Variants in CDCA2 observed in about 807,000 individuals in gnomAD.
CDCA2 encodes the protein cell division cycle associated 2, also known as cell division cycle-associated protein 2.
CDCA2 carries 44 observed loss-of-function variants against 67.0 expected under a neutral mutation model. That is an observed-to-expected ratio of 0.66 (90% confidence interval 0.52 to 0.84). The LOEUF is 0.84. Ranked by LOEUF, CDCA2 falls within the 40% of genes least tolerant of loss-of-function variation. The pLI is 0.00. For missense variants in CDCA2, 1,253 were observed against 1,203.2 expected (o/e 1.04, Z -0.61); for synonymous variants, 447 against 418.7 (o/e 1.07, Z -0.82).
At chr8:25,491,361 A>G (rs142066492) in intron 13 of CDCA2, among the ~76,000 whole-genome samples, 31 of 152,290 alleles carry the variant, frequency 2.0e-4, no homozygotes, top group African/African-American at 6.3e-4. Context: ...CCCACTGAAT[A>G]ACTGGTACAA....
At position 25,506,676 on chromosome 8, in the gene CDCA2, C is replaced by T. The variant is rs1804692284; in HGVS notation, c.2010C>T (p.Gly670=). 6.2e-7 allele frequency: 1 copy of T among 1,612,594 alleles called. No homozygotes were observed. The highest frequency in any genetic ancestry group is 1.3e-5 in the African/African-American group (1 of 74,790). ...CSYIKSSSSL[G]NATSDEDPNT... ...ATATAAAAAGTTCCTCATCGCTTGG[C>T]AATGCTACTTCTGATGAAGATCCAA... Residue 670 remains glycine (G), a synonymous_variant, in exon 15 of 15, where the codon GGC becomes GGT. Transcript: ENST00000330560.
chr8:25,488,228 A>AGTAG (rs1204435041), intron 12 of CDCA2, among the ~76,000 whole-genome samples: 1 of 152,186 alleles, frequency 6.6e-6, no homozygotes, highest in African/African-American at 2.4e-5. Flanking sequence ...CCCATAACCC[A>AGTAG]GTAGTTAGGT....
chr8:25,478,889 T>TAC (rs1563268994), intron 7 of CDCA2, among the ~76,000 whole-genome samples: 27 of 107,896 alleles, frequency 2.5e-4, no homozygotes, highest in African/African-American at 1.2e-3. Context: ...TGTGTGTGTG[T>TAC]ATATATATAT....
At position 25,484,059 on chromosome 8, in the gene CDCA2, A is replaced by G; in HGVS notation, c.1214A>G (p.Asp405Gly). ...FGEDLSPEVF[D>G]ESLPANTPLR... The stretch of plus-strand genomic sequence containing the variant: ...GAGGACTTAAGCCCGGAAGTGTTTG[A>G]TGAATCTTTGCCAGCAAATACTCCA... Residue 405 changes from aspartate to glycine, a missense_variant, in exon 10 of 15, where the codon GAT becomes GGT. Coordinates refer to ENST00000330560, the MANE Select transcript of CDCA2 (RefSeq NM_152562.4). 1 of 1,614,208 alleles carries G rather than the reference A, an allele frequency of 6.2e-7. No homozygotes were observed. Among genetic ancestry groups the G allele is most frequent in the South Asian group, 1.1e-5 (1 of 91,090 alleles).
chr8:25,468,943 C>G (rs1442523292), intron 6 of CDCA2, among the ~76,000 whole-genome samples: 1 of 152,188 alleles, frequency 6.6e-6, no homozygotes, highest in African/African-American at 2.4e-5. Flanking sequence ...TCACTTCTTT[C>G]AAGTAGCTCT....
chr8:25,490,418 G>A (rs996381394), intron 13 of CDCA2, among the ~76,000 whole-genome samples: 3 of 151,698 alleles, frequency 2.0e-5, no homozygotes, highest in East Asian at 2.0e-4. Flanking sequence ...AGAAGCCGAC[G>A]ACAGCCTTCA....
intron 13 of CDCA2, among the ~76,000 whole-genome samples, chr8:25,491,172 A>G (rs985069322): frequency 1.2e-4 from 19 of 152,292 alleles, no homozygotes; most frequent in Non-Finnish European, 2.5e-4. Context: ...AGAGCAAAAG[A>G]AAGACTGGAA....
At chr8:25,483,838 C>T (rs1228737698) in intron 9 of CDCA2, 128 bp from the exon 10 acceptor site, 14 of 812,918 alleles carry the variant, frequency 1.7e-5, no homozygotes, top group Admixed American at 5.7e-5. Flanking sequence ...TATTTTATAG[C>T]TTTGCTTTAC....
Position 25,485,764 on chromosome 8 carries a change from CAT to C in CDCA2, c.1373_1374del (p.Ile458ArgfsTer14), listed in dbSNP as rs766482044. The C allele has an allele frequency of 1.3e-6, 2 of 1,599,630 alleles. No homozygotes were observed. The highest frequency in any genetic ancestry group is 1.7e-5 in the Admixed American group (1 of 58,470). On this transcript the variant is annotated frameshift_variant, in exon 11 of 15. Transcript: ENST00000330560. LOFTEE classifies it high-confidence loss of function. ...FDDKGENLEN[I>X]EPLQVSFAVL... The stretch of plus-strand genomic sequence containing the variant: ...CTGTCTTTTCCTTTGTTTAGGAAAA[CAT>C]AGAACCACTTCAAGTATCATTTGCC...
chr8:25,494,497 A>G (rs975145417), intron 13 of CDCA2, among the ~76,000 whole-genome samples: 4 of 152,234 alleles, frequency 2.6e-5, no homozygotes, highest in South Asian at 2.1e-4. Context: ...GGAAGTTTAC[A>G]TATGCTCTAT....
At chr8:25,462,914 T>TAAGC (rs1802757049) in intron 4 of CDCA2, among the ~76,000 whole-genome samples, 1 of 152,174 alleles carries the variant, frequency 6.6e-6, no homozygotes, top group Non-Finnish European at 1.5e-5. Flanking sequence ...CTCCTGACCC[T>TAAGC]AAGCAATCCC....
Position 25,460,653 on chromosome 8 carries a change from G to A in CDCA2, c.232+99G>A, listed in dbSNP as rs535619741. On this transcript the variant is annotated intron_variant, in intron 3 of 14. Coordinates refer to ENST00000330560, the MANE Select transcript of CDCA2 (RefSeq NM_152562.4). Reference sequence around the variant, plus strand: ...GTTTATACGTACTGTCATATTTTAGGTACCTAAATTGCCTACTCTGCAAAC... The same window carrying A: ...GTTTATACGTACTGTCATATTTTAGATACCTAAATTGCCTACTCTGCAAAC... 1.1e-5 allele frequency: 14 copies of A among 1,286,486 alleles called. 1 individual carries two copies. The South Asian group carries it at 1.9e-4, about 18-fold the overall frequency. The allele number at this position is 1,286,486 out of a possible 1,614,324, so 79.7% of individuals were successfully genotyped here.
At chr8:25,472,748 T>C (rs750033343) in intron 7 of CDCA2, among the ~76,000 whole-genome samples, 1 of 152,238 alleles carries the variant, frequency 6.6e-6, no homozygotes, top group Non-Finnish European at 1.5e-5. Flanking sequence ...CATAACTGTA[T>C]ATATTTATGG....
chr8:25,471,282 T>A (rs1049314288), intron 7 of CDCA2, among the ~76,000 whole-genome samples: 1 of 152,240 alleles, frequency 6.6e-6, no homozygotes, highest in African/African-American at 2.4e-5. Flanking sequence ...TCCGCCTGCA[T>A]GGTCCCCCTG....
chr8:25,463,668 C>G (rs185485333), intron 4 of CDCA2, among the ~76,000 whole-genome samples: 134 of 152,230 alleles, frequency 8.8e-4, no homozygotes, highest in Non-Finnish European at 1.5e-3. Flanking sequence ...TACGTTCTCC[C>G]TAATCCATTG....
intron 14 of CDCA2, among the ~76,000 whole-genome samples, chr8:25,505,410 A>G (rs1322078474): frequency 1.3e-5 from 2 of 152,278 alleles, no homozygotes; most frequent in East Asian, 3.9e-4. Flanking sequence ...CATGTTGGCC[A>G]GGCTGGTCTC....
chr8:25,482,105 G>A (rs1803594281), intron 8 of CDCA2, among the ~76,000 whole-genome samples: 2 of 152,112 alleles, frequency 1.3e-5, no homozygotes, highest in African/African-American at 4.8e-5. Context: ...TGAGCTCCAG[G>A]GGCCCTGTGT....
intron 4 of CDCA2, among the ~76,000 whole-genome samples, chr8:25,465,438 T>G (rs546102175): frequency 5.9e-5 from 9 of 152,308 alleles, no homozygotes; most frequent in Admixed American, 5.2e-4. Context: ...AATTTTTATG[T>G]AAAGGGAACT....
At chr8:25,483,581 C>A (rs529716489) in intron 9 of CDCA2, 95 bp downstream of exon 9, 132 of 798,682 alleles carry the variant, frequency 1.7e-4, no homozygotes, top group Admixed American at 2.7e-4. Context: ...ATCTATAATG[C>A]CTTAGTGCTT....
Sources: gnomAD v4.1 joint callset for allele counts (sites outside exome capture counted in the v4.1 genomes callset) on GRCh38, gnomAD v4.1.1 for gene constraint, MANE v1.5 for transcripts, NCBI Gene and HGNC (gene_info 2026-07-23, HGNC 2026-07-21) for gene names.